The following RAP1GAP2 variants were observed in gnomAD, a reference collection of about 807,000 sequenced individuals.
RAP1GAP2 encodes the protein RAP1 GTPase activating protein 2, also known as rap1 GTPase-activating protein 2.
A neutral mutation model predicts 95.0 loss-of-function variants in RAP1GAP2; 27 were observed. The ratio of observed to expected loss-of-function variants is 0.28; its 90% CI spans 0.21 to 0.39. The LOEUF (loss-of-function observed/expected upper bound fraction) is 0.39, where lower values mean the gene tolerates loss of function less well. Ranked by LOEUF, RAP1GAP2 falls within the 10% of genes least tolerant of loss-of-function variation. The probability of loss-of-function intolerance (pLI) is 1.00; values close to 1 mark genes in which losing one functional copy is unlikely to be tolerated. For synonymous variants in RAP1GAP2, 373 were observed against 380.9 expected (o/e 0.98, Z 0.24); for missense variants, 771 against 970.0 (o/e 0.79, Z 2.72).
At chr17:2,977,983 C>G (rs565092101) in intron 8 of RAP1GAP2, among the ~76,000 whole-genome samples, 1 of 152,112 alleles carries the variant, frequency 6.6e-6, no homozygotes, top group Non-Finnish European at 1.5e-5. Flanking sequence ...TAGTCCCAAA[C>G]CTGATTGCCG....
At chr17:2,818,666 G>T (rs931863071) in intron 2 of RAP1GAP2, among the ~76,000 whole-genome samples, 1 of 152,100 alleles carries the variant, frequency 6.6e-6, no homozygotes, top group Non-Finnish European at 1.5e-5. Context: ...TCATACACAG[G>T]TATCTAGAAA....
In RAP1GAP2 at chr17:2,871,420, C is replaced by T. The variant is rs1297427367; in HGVS notation, c.81-33864C>T. Among the ~76,000 whole-genome samples, 2 of 152,028 alleles carry T rather than the reference C, an allele frequency of 1.3e-5. No individual in the cohort carries two copies. The highest frequency in any genetic ancestry group is 2.9e-5 in the Non-Finnish European group (2 of 67,990). On this transcript the variant is annotated intron_variant, in intron 2 of 24. Coordinates refer to ENST00000254695, the MANE Select transcript of RAP1GAP2 (RefSeq NM_015085.5). This position sits in a 1 kb window ranked among gnomAD's most constrained non-coding sequence, Gnocchi z 5.0. Reference sequence around the variant, plus strand: ...GTGGGAGCGGGGAGCCATGATTGGCCCAGGGAGAGTCAGGGGCGCACTCTG... The same window carrying T: ...GTGGGAGCGGGGAGCCATGATTGGCTCAGGGAGAGTCAGGGGCGCACTCTG...
intron 5 of RAP1GAP2, 163 bp downstream of exon 5, chr17:2,962,877 A>G (rs2151486495): frequency 1.5e-6 from 1 of 670,948 alleles, no homozygotes. Flanking sequence ...AGACCAGTGC[A>G]CGGTGGGCAG....
intron 3 of RAP1GAP2, among the ~76,000 whole-genome samples, chr17:2,940,212 C>T (rs912418113): frequency 6.6e-6 from 1 of 152,116 alleles, no homozygotes; most frequent in Non-Finnish European, 1.5e-5. Context: ...GTCATGGAAG[C>T]CACCCTTCAC....
At chr17:2,847,747 C>T (rs1178518970) in intron 2 of RAP1GAP2, among the ~76,000 whole-genome samples, 2 of 151,962 alleles carry the variant, frequency 1.3e-5, no homozygotes, top group East Asian at 1.9e-4. Flanking sequence ...ATCAGTGAGG[C>T]GGGGGCCGGG....
In RAP1GAP2 at chr17:2,968,795, A is replaced by T. The variant is rs138365908; in HGVS notation, c.596+3152A>T. ...ACCTACACAAATTGATCTATATTTT[A>T]TTAAAGAAAGTAACTCAGAATATTT... On this transcript the variant is annotated intron_variant, in intron 8 of 24. Coordinates refer to ENST00000254695, the MANE Select transcript of RAP1GAP2 (RefSeq NM_015085.5). Among the ~76,000 whole-genome samples the T allele has an allele frequency of 6.7e-3, 1,026 of 152,258 alleles. 9 individuals are homozygous for T. Among genetic ancestry groups the T allele is most frequent in the Non-Finnish European group, 0.011 (715 of 67,986 alleles).
At chr17:2,877,590 A>C (rs1238166680) in intron 2 of RAP1GAP2, among the ~76,000 whole-genome samples, 1 of 152,132 alleles carries the variant, frequency 6.6e-6, no homozygotes, top group East Asian at 1.9e-4. Context: ...TCTACTAAAA[A>C]AACACAAAAA....
At chr17:2,809,698 G>A (rs1025150494) in intron 2 of RAP1GAP2, among the ~76,000 whole-genome samples, 8 of 152,302 alleles carry the variant, frequency 5.3e-5, no homozygotes, top group East Asian at 1.9e-4. Context: ...GGCCAAGGCC[G>A]GGGAAGAATT....
At chr17:2,912,433 G>A (rs1253917559) in intron 3 of RAP1GAP2, among the ~76,000 whole-genome samples, 2 of 152,156 alleles carry the variant, frequency 1.3e-5, no homozygotes, top group Non-Finnish European at 2.9e-5. Context: ...TCAGGGTGGA[G>A]TGACAGTGTC....
intron 3 of RAP1GAP2, among the ~76,000 whole-genome samples, chr17:2,910,133 C>T (rs1186895429): frequency 6.6e-6 from 1 of 152,204 alleles, no homozygotes; most frequent in Admixed American, 6.5e-5. Flanking sequence ...GCAGGCTGTC[C>T]GATTCTTTCC....
In RAP1GAP2 at chr17:2,922,829, T is replaced by G. The variant is rs1162620213; in HGVS notation, c.165+17461T>G. ...AAGTGCCCAGTATTTTCTTTTTGTTTTTGTTTTTTTTTTTTTTTTTGAGAC... is the reference window on the plus strand; with the variant it reads ...AAGTGCCCAGTATTTTCTTTTTGTTGTTGTTTTTTTTTTTTTTTTTGAGAC... On this transcript the variant is annotated intron_variant, in intron 3 of 24. Coordinates refer to ENST00000254695, the MANE Select transcript of RAP1GAP2 (RefSeq NM_015085.5). Among the ~76,000 whole-genome samples the G allele has an allele frequency of 2.5e-5, 3 of 121,124 alleles. No homozygotes were observed. The Admixed American group carries it at 2.6e-4, about 11-fold the overall frequency. The allele number at this position is 121,124 out of a possible 152,430, so 79.5% of individuals were successfully genotyped here. A position where few individuals can be genotyped will look rare whatever the true frequency, so the allele number is the denominator to read the frequency against.
At position 3,029,862 on chromosome 17, in the gene RAP1GAP2, GATA is replaced by G. The variant is rs2047236864; in HGVS notation, c.2108-1056_2108-1054del. Among the ~76,000 whole-genome samples the G allele has an allele frequency of 6.6e-6, 1 of 151,866 alleles. No homozygotes were observed. Among genetic ancestry groups the G allele is most frequent in the Admixed American group, 6.6e-5 (1 of 15,218 alleles). The stretch of plus-strand genomic sequence containing the variant: ...TGTCAAACCCAGTGTACAAATACTA[GATA>G]ATATTCTTTACCATAAGTCCCATAT... On this transcript the variant is annotated intron_variant, in intron 22 of 24. Coordinates refer to ENST00000254695, the MANE Select transcript of RAP1GAP2 (RefSeq NM_015085.5). This position sits in a 1 kb window ranked among gnomAD's most constrained non-coding sequence, Gnocchi z 4.4.
At chr17:2,769,606 TAA>T (rs983659796) in intron 1 of RAP1GAP2, among the ~76,000 whole-genome samples, 1 of 151,408 alleles carries the variant, frequency 6.6e-6, no homozygotes, top group South Asian at 2.1e-4. Flanking sequence ...TAAAATAAAA[TAA>T]AAAAGAAAAA....
chr17:2,851,561 C>T (rs1247471560), intron 2 of RAP1GAP2, among the ~76,000 whole-genome samples: 2 of 152,076 alleles, frequency 1.3e-5, no homozygotes, highest in Non-Finnish European at 2.9e-5. Context: ...CAGGAAAATT[C>T]TACCTCTTAG....
In RAP1GAP2 at chr17:2,830,364, A is replaced by T. The variant is rs138138158; in HGVS notation, c.80+29814A>T. ...ATGAGGCGGAGGTTGCAGTGAGCCG[A>T]GGAGATCGTGCCATTGCACTCCAGT... On this transcript the variant is annotated intron_variant, in intron 2 of 24. Transcript: ENST00000254695. Among the ~76,000 whole-genome samples the T allele has an allele frequency of 5.5e-4, 83 of 152,152 alleles. 1 individual carries two copies. The highest frequency in any genetic ancestry group is 1.7e-3 in the South Asian group (8 of 4,810).
At chr17:2,982,810 C>T (rs540746112) in intron 10 of RAP1GAP2, among the ~76,000 whole-genome samples, 2 of 152,098 alleles carry the variant, frequency 1.3e-5, no homozygotes, top group South Asian at 2.1e-4. Context: ...TGGAAAGCCT[C>T]GGGCCTTGGT....
At chr17:2,922,795 T>G (rs2042825914) in intron 3 of RAP1GAP2, among the ~76,000 whole-genome samples, 2 of 151,674 alleles carry the variant, frequency 1.3e-5, no homozygotes, top group Middle Eastern at 3.4e-3. Flanking sequence ...GATGTGGCAA[T>G]GAACAAAAAA....
chr17:2,960,844 G>A (rs763857626), intron 4 of RAP1GAP2, among the ~76,000 whole-genome samples: 1 of 152,220 alleles, frequency 6.6e-6, no homozygotes, highest in Non-Finnish European at 1.5e-5. Context: ...ACTGTCACCC[G>A]ATTTTCTCAG....
chr17:2,988,543 A>G lies in RAP1GAP2; in HGVS notation c.814-2754A>G, dbSNP rs116302073. On this transcript the variant is annotated intron_variant, in intron 11 of 24. Coordinates refer to ENST00000254695, the MANE Select transcript of RAP1GAP2 (RefSeq NM_015085.5). ...TTAATCCAAGTTCTTGGGTGTATCA[A>G]TACTGTGTTCTTTTTCATTGCTGAG... Among the ~76,000 whole-genome samples the G allele has an allele frequency of 9.3e-3, 1,417 of 152,356 alleles. 32 individuals carry two copies. The highest frequency in any genetic ancestry group is 0.031 in the African/African-American group (1,287 of 41,584).
Sources: allele counts gnomAD v4.1 joint callset (sites outside exome capture counted in the v4.1 genomes callset), GRCh38; gene constraint gnomAD v4.1.1; non-coding constraint Gnocchi (gnomAD v3.1); transcripts MANE v1.5; gene names NCBI Gene and HGNC (gene_info 2026-07-23, HGNC 2026-07-21).